The following ARHGAP26 variants were observed in gnomAD, a reference collection of about 807,000 sequenced individuals.
ARHGAP26 encodes Rho GTPase activating protein 26.
Under a neutral mutation model 104.8 loss-of-function variants are expected in ARHGAP26, and 38 were observed. The observed-to-expected ratio is 0.36, with a 90% CI of 0.28 to 0.48. The LOEUF (loss-of-function observed/expected upper bound fraction) is 0.48, where lower values mean the gene tolerates loss of function less well. Ranked by LOEUF, ARHGAP26 falls within the 20% of genes least tolerant of loss-of-function variation. The pLI, the probability that ARHGAP26 is intolerant of heterozygous loss-of-function variation, is 0.99. For synonymous variants in ARHGAP26, 341 were observed against 340.0 expected (o/e 1.00, Z -0.03); for missense variants, 704 against 947.9 (o/e 0.74, Z 3.38).
intron 14 of ARHGAP26, among the ~76,000 whole-genome samples, chr5:143,043,596 C>G (rs1399725049): frequency 6.6e-6 from 1 of 152,054 alleles, no homozygotes; most frequent in East Asian, 1.9e-4. Flanking sequence ...GCGATAGGGT[C>G]AATTTTTGAG....
Position 143,175,767 on chromosome 5 carries a change from T to C in ARHGAP26, c.1988+28386T>C, listed in dbSNP as rs577095614. Among the ~76,000 whole-genome samples the C allele has an allele frequency of 5.9e-5, 9 of 152,304 alleles. No individual in the cohort carries two copies. In the East Asian group the frequency reaches 1.7e-3, roughly 29 times the overall value. On this transcript the variant is annotated intron_variant, in intron 20 of 22. Coordinates refer to ENST00000645722, the MANE Select transcript of ARHGAP26 (RefSeq NM_001135608.3). ...GAGAACTGCCATAAGAAGGTTTTTG[T>C]TTTTAGCCAATTTTGACTTTTTCCC...
At chr5:142,910,125 C>T (rs1761639594) in intron 9 of ARHGAP26, among the ~76,000 whole-genome samples, 1 of 152,138 alleles carries the variant, frequency 6.6e-6, no homozygotes, top group African/African-American at 2.4e-5. Flanking sequence ...TAATTCCTTA[C>T]ATTTAAATTA....
At chr5:142,867,206 T>C (rs1221551124) in intron 1 of ARHGAP26, among the ~76,000 whole-genome samples, 1 of 152,084 alleles carries the variant, frequency 6.6e-6, no homozygotes, top group Non-Finnish European at 1.5e-5. Flanking sequence ...GATTGCCACC[T>C]AGTGGCCACA....
At chr5:143,205,886 G>T (rs1360147048) in intron 20 of ARHGAP26, among the ~76,000 whole-genome samples, 1 of 152,200 alleles carries the variant, frequency 6.6e-6, no homozygotes, top group Non-Finnish European at 1.5e-5. Context: ...TGGATATACA[G>T]CAGTAAGCAA....
chr5:143,182,407 C>T (rs1477880190), intron 20 of ARHGAP26, among the ~76,000 whole-genome samples: 2 of 152,212 alleles, frequency 1.3e-5, no homozygotes, highest in Non-Finnish European at 2.9e-5. Context: ...ACTCGTTTGT[C>T]TCTCCTCATG....
intron 17 of ARHGAP26, among the ~76,000 whole-genome samples, chr5:143,096,985 C>T (rs1325838544): frequency 6.6e-6 from 1 of 152,186 alleles, no homozygotes; most frequent in Non-Finnish European, 1.5e-5. Flanking sequence ...TGGCTCACGC[C>T]TGTAATCCCA....
chr5:143,023,153 T>C (rs1254777258), intron 12 of ARHGAP26, among the ~76,000 whole-genome samples: 2 of 152,230 alleles, frequency 1.3e-5, no homozygotes, highest in Non-Finnish European at 1.5e-5. Flanking sequence ...CATAATGCTT[T>C]ATATGTTGTT....
intron 11 of ARHGAP26, among the ~76,000 whole-genome samples, chr5:142,954,729 A>G (rs1397220680): frequency 6.6e-6 from 1 of 152,212 alleles, no homozygotes; most frequent in Non-Finnish European, 1.5e-5. Context: ...ATATGACGTC[A>G]ACTCAGATGT....
chr5:143,079,573 T>A, intron 17 of ARHGAP26, among the ~76,000 whole-genome samples: 1 of 152,328 alleles, frequency 6.6e-6, no homozygotes, highest in East Asian at 1.9e-4. Flanking sequence ...CCTGGTATTG[T>A]CGGCCCCATA....
At chr5:142,929,657 G>A (rs1764431817) in intron 10 of ARHGAP26, among the ~76,000 whole-genome samples, 1 of 152,196 alleles carries the variant, frequency 6.6e-6, no homozygotes, top group South Asian at 2.1e-4. Context: ...AAATCCTGTT[G>A]ACTTTCCTGG....
chr5:142,999,169 G>A (rs377349599), intron 11 of ARHGAP26, among the ~76,000 whole-genome samples: 3 of 152,130 alleles, frequency 2.0e-5, no homozygotes, highest in Admixed American at 6.5e-5. Context: ...GGTTTGATCC[G>A]GGTCCCACAG....
At chr5:143,103,324 G>A in intron 17 of ARHGAP26, 2 of 774,102 alleles carry the variant, frequency 2.6e-6, no homozygotes, top group Non-Finnish European at 3.1e-6. Context: ...GGAGAAATAG[G>A]AACGATTTTA....
chr5:142,809,210 C>G (rs1334036511), intron 1 of ARHGAP26, among the ~76,000 whole-genome samples: 1 of 152,104 alleles, frequency 6.6e-6, no homozygotes, highest in Non-Finnish European at 1.5e-5. Flanking sequence ...TGTGTTTTAT[C>G]AGTCTTAGAC....
chr5:143,028,490 A>G (rs1253454991), intron 12 of ARHGAP26, among the ~76,000 whole-genome samples: 1 of 152,260 alleles, frequency 6.6e-6, no homozygotes, highest in Non-Finnish European at 1.5e-5. Flanking sequence ...GAACTTGAAT[A>G]TGAAAAGTAT....
chr5:142,847,665 G>T (rs971703234), intron 1 of ARHGAP26, among the ~76,000 whole-genome samples: 1 of 152,178 alleles, frequency 6.6e-6, no homozygotes, highest in Non-Finnish European at 1.5e-5. Flanking sequence ...CCAGGATGAT[G>T]ATGTCTTAAC....
chr5:143,143,173 C>T (rs762197815), intron 19 of ARHGAP26, among the ~76,000 whole-genome samples: 1 of 152,160 alleles, frequency 6.6e-6, no homozygotes, highest in Non-Finnish European at 1.5e-5. Context: ...GGGGAAACCT[C>T]CCGCAAATGT....
chr5:142,957,749 C>G (rs141011957), intron 11 of ARHGAP26, among the ~76,000 whole-genome samples: 1 of 152,262 alleles, frequency 6.6e-6, no homozygotes, highest in Non-Finnish European at 1.5e-5. Flanking sequence ...ACCCAGAGTT[C>G]AGCTTAAGTA....
intron 1 of ARHGAP26, among the ~76,000 whole-genome samples, chr5:142,822,809 G>C (rs1170040169): frequency 1.3e-5 from 2 of 152,148 alleles, no homozygotes; most frequent in African/African-American, 2.4e-5. Flanking sequence ...CTCTCCAGTG[G>C]AGGAGTTGTT....
At chr5:143,152,934 A>C (rs1433180841) in intron 20 of ARHGAP26, among the ~76,000 whole-genome samples, 1 of 152,202 alleles carries the variant, frequency 6.6e-6, no homozygotes, top group Non-Finnish European at 1.5e-5. Context: ...CATGATAAAT[A>C]TCACATTGTG....
Sources: allele counts gnomAD v4.1 joint callset (sites outside exome capture counted in the v4.1 genomes callset), GRCh38; gene constraint gnomAD v4.1.1; transcripts MANE v1.5; gene names NCBI Gene and HGNC (gene_info 2026-07-23, HGNC 2026-07-21).